ARFGAP1: variants seen among roughly 807,000 people sequenced by gnomAD.
ARFGAP1 encodes the protein ADP-ribosylation factor GTPase-activating protein 1.
In ARFGAP1, 26 loss-of-function variants were observed where a neutral mutation model predicts 54.0. That is an observed-to-expected ratio of 0.48 (90% CI 0.35 to 0.67). The LOEUF (loss-of-function observed/expected upper bound fraction) is 0.67. Ranked by LOEUF, ARFGAP1 falls within the 30% of genes least tolerant of loss-of-function variation. The pLI, the probability that ARFGAP1 is intolerant of heterozygous loss-of-function variation, is 0.00. For missense variants in ARFGAP1, 525 were observed against 535.8 expected (o/e 0.98, Z 0.20); for synonymous variants, 248 against 211.9 (o/e 1.17, Z -1.48).
rs939972163 is a variant in ARFGAP1 at position 63,288,780 on chromosome 20, C to G, written c.*907C>G. The G allele has an allele frequency of 2.9e-5, 10 of 342,004 alleles. No individual in the cohort carries two copies. Among genetic ancestry groups the G allele is most frequent in the African/African-American group, 1.5e-4 (7 of 46,698 alleles). 21.2% of individuals were successfully genotyped at this position (342,004 alleles called of 1,614,324 possible). A position where few individuals can be genotyped will look rare whatever the true frequency, so the allele number is the denominator to read the frequency against. On this transcript the variant is annotated 3_prime_UTR_variant, in exon 13 of 13. Transcript: ENST00000370283. The stretch of plus-strand genomic sequence containing the variant: ...CCGGTGCCCGCCACATGCCAACCCT[C>G]ACCTCCCCGAGGACTGGATGATGTG...
chr20:63,286,189 C>T (rs147467352), intron 11 of ARFGAP1, 177 bp from the exon 12 acceptor site: 148 of 1,549,338 alleles, frequency 9.6e-5, no homozygotes, highest in Non-Finnish European at 1.2e-4. Context: ...CACCTGGCAC[C>T]GCTGCAGAGT....
intron 6 of ARFGAP1, 43 bp downstream of exon 6, chr20:63,278,246 C>T: frequency 6.3e-7 from 1 of 1,598,850 alleles, no homozygotes; most frequent in Non-Finnish European, 8.5e-7. Flanking sequence ...GGGCCAGGCC[C>T]ACAGGGTTCA....
intron 7 of ARFGAP1, among the ~76,000 whole-genome samples, chr20:63,279,877 G>A (rs1325246415): frequency 6.6e-6 from 1 of 152,148 alleles, no homozygotes; most frequent in African/African-American, 2.4e-5. Context: ...GATGGCTCAC[G>A]CCTGTAATCC....
chr20:63,284,205 C>T, intron 9 of ARFGAP1: 1 of 1,268,050 alleles, frequency 7.9e-7, no homozygotes, highest in East Asian at 3.5e-5. Flanking sequence ...GCACTGGGCG[C>T]AGAGCTGCTG....
intron 9 of ARFGAP1, chr20:63,284,440 C>G (rs2067469639): frequency 9.2e-7 from 1 of 1,091,516 alleles, no homozygotes; most frequent in South Asian, 2.8e-5. Context: ...CTTCCTATGG[C>G]CCCAGCCTCC....
At chr20:63,275,063 C>T (rs1284226894) in intron 1 of ARFGAP1, among the ~76,000 whole-genome samples, 2 of 152,304 alleles carry the variant, frequency 1.3e-5, no homozygotes, top group African/African-American at 2.4e-5. Flanking sequence ...CTCCAGGCAG[C>T]GGGGCACAGG....
chr20:63,285,996 G>A (rs577562546), intron 11 of ARFGAP1: 2 of 1,531,296 alleles, frequency 1.3e-6, no homozygotes, highest in Admixed American at 2.0e-5. Context: ...CGCCGTCTTT[G>A]CTGCCATCAG....
chr20:63,283,485 C>T (rs1016380321), intron 9 of ARFGAP1: 19 of 300,248 alleles, frequency 6.3e-5, no homozygotes, highest in Admixed American at 5.4e-4. Context: ...GGCTCTAGGA[C>T]GCGCCTTTGC....
chr20:63,289,766 C>T lies in ARFGAP1; in HGVS notation c.*1893C>T, dbSNP rs2067663153. 6.6e-6 allele frequency: 1 copy of T among 152,298 alleles called. No homozygotes were observed. Among genetic ancestry groups the T allele is most frequent in the Non-Finnish European group, 1.5e-5 (1 of 68,098 alleles). 9.4% of individuals were successfully genotyped at this position (152,298 alleles called of 1,614,324 possible). A position where few individuals can be genotyped will look rare whatever the true frequency, so the allele number is the denominator to read the frequency against. On this transcript the variant is annotated 3_prime_UTR_variant, in exon 13 of 13. Coordinates refer to ENST00000370283, the MANE Select transcript of ARFGAP1 (RefSeq NM_018209.4). ...TGGAAGGCGCGGACCTGACAGCATT[C>T]CAATAAAGCATACGGGAACATGCAG...
intron 10 of ARFGAP1, chr20:63,285,452 G>A: frequency 1.6e-6 from 1 of 620,398 alleles, no homozygotes; most frequent in South Asian, 2.0e-5. Flanking sequence ...CACGTTTGCA[G>A]ACACCAGGCC....
In ARFGAP1 at chr20:63,276,567, C is replaced by T; in HGVS notation, c.258C>T (p.Phe86=). Reference sequence around the variant, plus strand: ...GTGGGAATGCTAAGTTCCGAGAGTTCCTGGAGTCTCAGGAGGATTACGATC... The same window carrying T: ...GTGGGAATGCTAAGTTCCGAGAGTTTCTGGAGTCTCAGGAGGATTACGATC... ...KAGGNAKFRE[F]LESQEDYDPC... is the part of the protein sequence containing the mutation. The change falls in exon 4 of 13, where the codon TTC becomes TTT. Residue 86 remains phenylalanine (F), a synonymous_variant. Transcript: ENST00000370283. The surrounding 1 kb of genome is among the most constrained non-coding windows in gnomAD (Gnocchi z 5.2). The T allele has an allele frequency of 6.2e-7, 1 of 1,614,074 alleles. No homozygotes were observed. Among genetic ancestry groups the T allele is most frequent in the Non-Finnish European group, 8.5e-7 (1 of 1,179,996 alleles).
intron 5 of ARFGAP1, among the ~76,000 whole-genome samples, chr20:63,277,811 A>G (rs987832049): frequency 6.6e-6 from 1 of 152,216 alleles, no homozygotes; most frequent in African/African-American, 2.4e-5. Flanking sequence ...CACTGCGGGC[A>G]ACTCCGGCTT....
Position 63,276,321 on chromosome 20 carries a change from T to TCA in ARFGAP1, c.170+122_170+123insAC. 7.3e-7 allele frequency: 1 copy of TCA among 1,368,896 alleles called. No individual in the cohort carries two copies. Among genetic ancestry groups the TCA allele is most frequent in the African/African-American group, 1.4e-5 (1 of 69,888 alleles). 84.8% of individuals were successfully genotyped at this position (1,368,896 alleles called of 1,614,324 possible). On this transcript the variant is annotated intron_variant, in intron 3 of 12. Transcript: ENST00000370283. The surrounding 1 kb of genome is among the most constrained non-coding windows in gnomAD (Gnocchi z 5.2). The stretch of plus-strand genomic sequence containing the variant: ...GCCACCTCCCATTGCATTGCCAGTG[T>TCA]CCACTCTAGTGACGCCATGGCACAG...
intron 9 of ARFGAP1, chr20:63,284,602 G>C: frequency 7.5e-7 from 1 of 1,332,804 alleles, no homozygotes; most frequent in Non-Finnish European, 9.7e-7. Context: ...AGGGCCGCAT[G>C]GTGGCGCGTG....
At chr20:63,280,318 C>T (rs1468101227) in intron 7 of ARFGAP1, among the ~76,000 whole-genome samples, 1 of 152,038 alleles carries the variant, frequency 6.6e-6, no homozygotes, top group Non-Finnish European at 1.5e-5. Context: ...TGCTCTGTTG[C>T]CAGGGCTGGA....
chr20:63,286,452 G>A lies in ARFGAP1; in HGVS notation c.911+10G>A. On this transcript the variant is annotated intron_variant, in intron 12 of 12. Transcript: ENST00000370283. ...AGGGCCCCTTGGACAGGTATGCTGT[G>A]TCCCCTCCTGGGCCTTGCATCCCAC... 6.2e-7 allele frequency: 1 copy of A among 1,612,272 alleles called. No homozygotes were observed. The highest frequency in any genetic ancestry group is 1.1e-5 in the South Asian group (1 of 90,900).
chr20:63,277,169 C>CT, intron 4 of ARFGAP1, 36 bp from the exon 5 acceptor site: 1 of 1,590,346 alleles, frequency 6.3e-7, no homozygotes, highest in South Asian at 1.1e-5. Flanking sequence ...CGCCAGGCGC[C>CT]TTTATGCTCT....
intron 5 of ARFGAP1, among the ~76,000 whole-genome samples, chr20:63,277,910 G>A (rs538090748): frequency 6.6e-6 from 1 of 152,186 alleles, no homozygotes; most frequent in African/African-American, 2.4e-5. Flanking sequence ...GAGGCCTCTC[G>A]TGTTGCCCAT....
chr20:63,282,730 G>T (rs2067417007), intron 8 of ARFGAP1, 89 bp from the exon 9 acceptor site: 1 of 1,425,000 alleles, frequency 7.0e-7, no homozygotes, highest in Non-Finnish European at 9.9e-7. Context: ...TTGAGAGACA[G>T]TCCTGGACCT....
Sources: gnomAD v4.1 joint callset for allele counts (sites outside exome capture counted in the v4.1 genomes callset) on GRCh38, gnomAD v4.1.1 for gene constraint, Gnocchi (gnomAD v3.1) non-coding constraint, MANE v1.5 for transcripts, NCBI Gene and HGNC (gene_info 2026-07-23, HGNC 2026-07-21) for gene names.